PEAK1: variants seen among roughly 807,000 people sequenced by gnomAD.
PEAK1 encodes pseudopodium enriched atypical kinase 1.
PEAK1 carries 54 observed loss-of-function variants against 124.7 expected under a neutral mutation model. That is an observed-to-expected ratio of 0.43 (90% CI 0.35 to 0.54). The LOEUF (loss-of-function observed/expected upper bound fraction) is 0.54, where lower values mean the gene tolerates loss of function less well. Among genes scored for constraint, PEAK1 ranks in the 20% least tolerant of loss-of-function variants. The pLI is 0.01. For synonymous variants in PEAK1, 719 were observed against 760.0 expected (o/e 0.95, Z 0.89); for missense variants, 2,046 against 2,134.5 (o/e 0.96, Z 0.82).
chr15:77,238,148 G>A (rs1384227881), intron 6 of PEAK1, among the ~76,000 whole-genome samples: 1 of 151,992 alleles, frequency 6.6e-6, no homozygotes, highest in Non-Finnish European at 1.5e-5. Context: ...TAGTAATTAT[G>A]CTTATCATGA....
intron 5 of PEAK1, among the ~76,000 whole-genome samples, chr15:77,262,970 C>T (rs1429893407): frequency 6.6e-6 from 1 of 152,126 alleles, no homozygotes; most frequent in Non-Finnish European, 1.5e-5. Context: ...CACTCAGCTA[C>T]ATGGAAACTG....
chr15:77,299,185 T>A (rs2063663340), intron 2 of PEAK1, among the ~76,000 whole-genome samples: 1 of 152,272 alleles, frequency 6.6e-6, no homozygotes, highest in Non-Finnish European at 1.5e-5. Context: ...TTCCCTTTAA[T>A]ATCTTAATTT....
chr15:77,370,696 A>G (rs2068575861), intron 1 of PEAK1: 9 of 984,978 alleles, frequency 9.1e-6, no homozygotes, highest in Non-Finnish European at 1.1e-5. Flanking sequence ...GAGACAGTCT[A>G]TTTCTGCATA....
At chr15:77,219,125 G>A (rs1596674101) in intron 6 of PEAK1, among the ~76,000 whole-genome samples, 1 of 152,234 alleles carries the variant, frequency 6.6e-6, no homozygotes, top group East Asian at 1.9e-4. Flanking sequence ...ATTAATATAT[G>A]TATACTGTAT....
chr15:77,102,575 T>G (rs2050704899), exon 7 of PEAK1: 1 of 152,228 alleles, frequency 6.6e-6, no homozygotes, highest in Non-Finnish European at 1.5e-5. Flanking sequence ...TTGTATTAGC[T>G]TATAGTATGA....
Position 77,101,266 on chromosome 15 carries a change from G to A in PEAK1, c.*12890C>T, listed in dbSNP as rs1241982057. The stretch of plus-strand genomic sequence containing the variant: ...GCAGGTAGGAGGTGTTCAGAGAAAC[G>A]ACTGTTAACCAGGCTTTCTGAAATT... On this transcript the variant is annotated 3_prime_UTR_variant, in exon 7 of 7. Transcript: ENST00000560626. 3 of 152,160 alleles carry A rather than the reference G, an allele frequency of 2.0e-5. 1 individual carries two copies. Among genetic ancestry groups the A allele is most frequent in the Admixed American group, 2.0e-4 (3 of 15,274 alleles). 9.4% of individuals were successfully genotyped at this position (152,160 alleles called of 1,614,324 possible). A position where few individuals can be genotyped will look rare whatever the true frequency, so the allele number is the denominator to read the frequency against.
intron 2 of PEAK1, chr15:77,336,978 TATA>T (rs1053378660): frequency 2.0e-5 from 7 of 356,530 alleles, no homozygotes; most frequent in African/African-American, 1.6e-4. Flanking sequence ...CTAAACACTA[TATA>T]ATATTTTCCA....
intron 2 of PEAK1, among the ~76,000 whole-genome samples, chr15:77,339,092 A>C (rs1050691007): frequency 7.9e-5 from 12 of 151,826 alleles, no homozygotes; most frequent in African/African-American, 2.9e-4. Flanking sequence ...CAATCTGTAG[A>C]TTAATAAGGT....
chr15:77,352,509 A>G (rs1163966797), intron 2 of PEAK1: 14 of 984,502 alleles, frequency 1.4e-5, no homozygotes, highest in African/African-American at 1.7e-5. Flanking sequence ...ACATTTTGCC[A>G]AAATTTAAAA....
intron 6 of PEAK1, among the ~76,000 whole-genome samples, chr15:77,241,456 C>T (rs899080749): frequency 4.0e-5 from 6 of 151,892 alleles, no homozygotes; most frequent in African/African-American, 1.2e-4. Context: ...TCCTGTTCCA[C>T]GTATCCTGAA....
intron 6 of PEAK1, among the ~76,000 whole-genome samples, chr15:77,196,563 G>A (rs1242755358): frequency 6.6e-6 from 1 of 152,142 alleles, no homozygotes; most frequent in Non-Finnish European, 1.5e-5. Context: ...ATTAGGTAGG[G>A]AGACAGCAAG....
In PEAK1 at chr15:77,346,320, T is replaced by C. The variant is rs143015021; in HGVS notation, c.-603+18843A>G. The C allele has an allele frequency of 1.2e-3, 1,158 of 966,180 alleles. 2 individuals carry two copies. In the African/African-American group the frequency reaches 0.015, roughly 12 times the overall value. 59.9% of individuals were successfully genotyped at this position (966,180 alleles called of 1,614,324 possible). The stretch of plus-strand genomic sequence containing the variant: ...CAGGTCATTATTTTGTTCTATTCTA[T>C]TGACATATTTTAACTCATTTTGTAA... On this transcript the variant is annotated intron_variant, in intron 2 of 9. Transcript: ENST00000682557.
intron 2 of PEAK1, among the ~76,000 whole-genome samples, chr15:77,291,287 G>C (rs1167574577): frequency 2.0e-5 from 3 of 152,014 alleles, no homozygotes; most frequent in Non-Finnish European, 4.4e-5. Context: ...CAACATTTGT[G>C]AATGAAAGGT....
At chr15:77,116,675 A>G (rs942174532) in intron 9 of PEAK1, among the ~76,000 whole-genome samples, 3 of 151,834 alleles carry the variant, frequency 2.0e-5, no homozygotes, top group South Asian at 4.2e-4. Flanking sequence ...GCCTGATATC[A>G]GTGATCAGTG....
intron 1 of PEAK1, among the ~76,000 whole-genome samples, chr15:77,411,976 ATT>A (rs1205065700): frequency 6.6e-6 from 1 of 152,174 alleles, no homozygotes; most frequent in Non-Finnish European, 1.5e-5. Context: ...TAAGTCTGTA[ATT>A]TGTCTTATAA....
intron 6 of PEAK1, among the ~76,000 whole-genome samples, chr15:77,215,402 C>G (rs12902106): frequency 0.36 from 54,811 of 152,014 alleles, 10,044 homozygotes; most frequent in Non-Finnish European, 0.38. Context: ...CTCAGTGTCT[C>G]TGGGTGATTG....
chr15:77,170,858 A>T (rs1217947337), intron 7 of PEAK1, among the ~76,000 whole-genome samples: 1 of 152,150 alleles, frequency 6.6e-6, no homozygotes, highest in Non-Finnish European at 1.5e-5. Flanking sequence ...GTGCAGTATT[A>T]TTCCCCCATG....
At chr15:77,160,589 T>C (rs546257288) in intron 7 of PEAK1, among the ~76,000 whole-genome samples, 33 of 151,876 alleles carry the variant, frequency 2.2e-4, no homozygotes, top group Admixed American at 1.2e-3. Flanking sequence ...GGCAGGAGAA[T>C]CTCTTGAACC....
chr15:77,262,205 C>T (rs1393714418), intron 5 of PEAK1, among the ~76,000 whole-genome samples: 4 of 152,220 alleles, frequency 2.6e-5, no homozygotes, highest in Middle Eastern at 3.4e-3. Flanking sequence ...CATCAACTAA[C>T]GAGCAAAATA....
Sources: allele counts gnomAD v4.1 joint callset (sites outside exome capture counted in the v4.1 genomes callset), GRCh38; gene constraint gnomAD v4.1.1; transcripts MANE v1.5; gene names NCBI Gene and HGNC (gene_info 2026-07-23, HGNC 2026-07-21).